IKBKB: variants seen among roughly 807,000 people sequenced by gnomAD.
IKBKB encodes the protein inhibitor of nuclear factor kappa B kinase subunit beta.
In IKBKB, 42 loss-of-function variants were observed where a neutral mutation model predicts 113.6. That is an observed-to-expected ratio of 0.37 (90% CI 0.29 to 0.48). The LOEUF (loss-of-function observed/expected upper bound fraction) is 0.48. IKBKB is among the 20% of genes least tolerant of loss of function. IKBKB has a pLI of 0.99. For missense variants in IKBKB, 673 were observed against 939.7 expected, an observed-to-expected ratio of 0.72 and a Z score of 3.71; for synonymous variants, 296 against 361.3, an observed-to-expected ratio of 0.82 and a Z score of 2.05.
At chr8:42,299,399 A>G (rs1016953042) in intron 5 of IKBKB, among the ~76,000 whole-genome samples, 10 of 152,118 alleles carry the variant, frequency 6.6e-5, no homozygotes, top group Admixed American at 6.5e-4. Context: ...CCACTCTTAG[A>G]TAAAGGCCCA....
intron 13 of IKBKB, chr8:42,318,956 C>A (rs1024873463): frequency 3.8e-6 from 2 of 532,006 alleles, no homozygotes; most frequent in Non-Finnish European, 6.7e-6. Flanking sequence ...AGCTCACTAC[C>A]ATGTGGATTA....
intron 12 of IKBKB, 36 bp downstream of exon 12, chr8:42,317,807 C>A (rs200515855): frequency 2.1e-6 from 3 of 1,428,824 alleles, no homozygotes; most frequent in Non-Finnish European, 2.0e-6. Context: ...TCTAAATAAT[C>A]CGTTATAATA....
intron 16 of IKBKB, 186 bp downstream of exon 16, chr8:42,321,030 A>G (rs1819683601): frequency 2.1e-6 from 1 of 486,134 alleles, no homozygotes; most frequent in African/African-American, 2.0e-5. Flanking sequence ...GTGACAAGAA[A>G]AACAGTCTTA....
Position 42,316,812 on chromosome 8 carries a change from G to A in IKBKB, c.1033G>A (p.Gly345Ser). Residue 345 changes from glycine (G) to serine (S), a missense_variant, in exon 11 of 22, where the codon GGC becomes AGC. By Grantham distance (56) the Gly-to-Ser change is moderately conservative (BLOSUM62 0). Transcript: ENST00000520810. This position sits in a 1 kb window ranked among gnomAD's most constrained non-coding sequence, Gnocchi z 4.5. Reference protein sequence around the residue: ...SLKARIQQDTGIPEEDQELLQ... With the variant: ...SLKARIQQDTSIPEEDQELLQ... ...GAAGGCCAGAATCCAACAGGACACG[G>A]GCATCCCAGAGGAGGACCAGGAGCT... The A allele has an allele frequency of 6.2e-7, 1 of 1,614,168 alleles. No individual in the cohort carries two copies. The highest frequency in any genetic ancestry group is 8.5e-7 in the Non-Finnish European group (1 of 1,180,028).
At chr8:42,284,498 C>T (rs1010621543) in intron 2 of IKBKB, among the ~76,000 whole-genome samples, 1 of 151,350 alleles carries the variant, frequency 6.6e-6, no homozygotes, top group Non-Finnish European at 1.5e-5. Context: ...AGGAGAATGG[C>T]GTGAACCCGG....
At position 42,322,418 on chromosome 8, in the gene IKBKB, A is replaced by G. The variant is rs1261457287; in HGVS notation, c.1910A>G (p.Asn637Ser). ...PKVEEVVSLM[N>S]EDEKTVVRLQ... is the part of the protein sequence containing the mutation. ...GTGGAAGAGGTGGTGAGCTTAATGA[A>G]TGAGGATGAGAAGACTGTTGTCCGG... Residue 637 changes from asparagine (N) to serine (S), a missense_variant, in exon 19 of 22, where the codon AAT (asparagine) becomes AGT (serine). Physicochemically the swap from Asn to Ser is conservative, Grantham distance 46. Coordinates refer to ENST00000520810, the MANE Select transcript of IKBKB (RefSeq NM_001556.3). The G allele has an allele frequency of 6.2e-7, 1 of 1,613,948 alleles. No individual in the cohort carries two copies. The highest frequency in any genetic ancestry group is 1.1e-5 in the South Asian group (1 of 91,070).
chr8:42,307,987 C>A (rs955759988), intron 7 of IKBKB, among the ~76,000 whole-genome samples: 1 of 152,238 alleles, frequency 6.6e-6, no homozygotes, highest in Admixed American at 6.5e-5. Flanking sequence ...CCCCCAGCAC[C>A]CCGTGCTGCC....
chr8:42,283,871 TAC>T (rs1411482861), intron 2 of IKBKB, among the ~76,000 whole-genome samples: 1 of 152,214 alleles, frequency 6.6e-6, no homozygotes, highest in Non-Finnish European at 1.5e-5. Context: ...AACCATAAGT[TAC>T]AGTCTCTTTG....
intron 5 of IKBKB, among the ~76,000 whole-genome samples, chr8:42,304,692 C>G (rs1415745896): frequency 3.9e-5 from 6 of 152,198 alleles, no homozygotes; most frequent in Admixed American, 3.9e-4. Flanking sequence ...ATCATATGAC[C>G]ATAGGACTCT....
At chr8:42,301,748 C>T (rs796727918) in intron 5 of IKBKB, among the ~76,000 whole-genome samples, 15 of 152,354 alleles carry the variant, frequency 9.8e-5, no homozygotes, top group African/African-American at 3.6e-4. Context: ...CTTGTCCCTC[C>T]TCACTGAAGA....
intron 2 of IKBKB, among the ~76,000 whole-genome samples, chr8:42,283,877 C>G (rs1421151255): frequency 6.6e-6 from 1 of 152,200 alleles, no homozygotes; most frequent in East Asian, 1.9e-4. Flanking sequence ...AAGTTACAGT[C>G]TCTTTGGCTA....
At chr8:42,286,818 A>G (rs925317868) in intron 2 of IKBKB, among the ~76,000 whole-genome samples, 1 of 152,230 alleles carries the variant, frequency 6.6e-6, no homozygotes, top group Admixed American at 6.5e-5. Context: ...ACATCCTTCA[A>G]GTGAGCCACA....
rs756896366 is a variant in IKBKB, at chr8:42,322,435, G to T, written c.1927G>T (p.Val643Phe). The change falls in exon 19 of 22, where the codon GTT becomes TTT. Residue 643 changes from valine to phenylalanine, a missense_variant. Around this residue, in one of 2 missense-constraint regions of IKBKB, gnomAD observed 506 missense variants for 638.7 expected, o/e 0.79. Coordinates refer to ENST00000520810, the MANE Select transcript of IKBKB (RefSeq NM_001556.3). ...VSLMNEDEKT[V>F]VRLQEKRQKE... is the part of the protein sequence containing the mutation. ...CTTAATGAATGAGGATGAGAAGACTGTTGTCCGGCTGCAGGAGAAGCGGCA... is the reference window on the plus strand; with the variant it reads ...CTTAATGAATGAGGATGAGAAGACTTTTGTCCGGCTGCAGGAGAAGCGGCA... 2.5e-6 allele frequency: 4 copies of T among 1,614,064 alleles called. No homozygotes were observed. Among genetic ancestry groups the T allele is most frequent in the Non-Finnish European group, 3.4e-6 (4 of 1,180,028 alleles).
In IKBKB at chr8:42,292,583, GATGTTAAAAGTCTAC is replaced by G. The variant is rs1206001458; in HGVS notation, c.319-856_319-842del. On this transcript the variant is annotated intron_variant, in intron 4 of 21. Coordinates refer to ENST00000520810, the MANE Select transcript of IKBKB (RefSeq NM_001556.3). ...CAGCACATGGGGACATGTAAGAGTC[GATGTTAAAAGTCTAC>G]ATGCTGGGTACGTAAACAGATGAGT... Among the ~76,000 whole-genome samples the G allele has an allele frequency of 3.3e-5, 5 of 152,184 alleles. No individual in the cohort carries two copies. The East Asian group carries it at 7.7e-4, about 23-fold the overall frequency.
chr8:42,291,403 A>G (rs1812617323), intron 4 of IKBKB, among the ~76,000 whole-genome samples: 1 of 152,148 alleles, frequency 6.6e-6, no homozygotes, highest in Non-Finnish European at 1.5e-5. Flanking sequence ...GCTGGTCTCC[A>G]ACTCCTGACT....
intron 15 of IKBKB, 131 bp downstream of exon 15, chr8:42,319,777 T>TTTC: frequency 1.3e-6 from 1 of 779,594 alleles, no homozygotes. Context: ...GCTTTGAGCT[T>TTTC]AACTGGACCA....
intron 2 of IKBKB, among the ~76,000 whole-genome samples, chr8:42,272,961 A>G (rs1174881244): frequency 6.7e-6 from 1 of 150,146 alleles, no homozygotes; most frequent in African/African-American, 2.5e-5. Context: ...AAAAAAAAAA[A>G]CCTTAGGCAG....
intron 11 of IKBKB, 161 bp downstream of exon 11, chr8:42,317,065 G>A (rs1182714514): frequency 1.4e-6 from 1 of 722,668 alleles, no homozygotes; most frequent in African/African-American, 1.7e-5. Context: ...TGTCCTCTGT[G>A]TGGCCTGATA....
In IKBKB at chr8:42,305,115, T is replaced by C. The variant is rs1816240016; in HGVS notation, c.389-72T>C. The C allele has an allele frequency of 4.0e-6, 4 of 989,140 alleles. No homozygotes were observed. In the Admixed American group the frequency reaches 5.3e-5, roughly 13 times the overall value. The allele number at this position is 989,140 out of a possible 1,614,324, so 61.3% of individuals were successfully genotyped here. On this transcript the variant is annotated intron_variant, in intron 5 of 21. Coordinates refer to ENST00000520810, the MANE Select transcript of IKBKB (RefSeq NM_001556.3). The stretch of plus-strand genomic sequence containing the variant: ...TTCAGGGGCATGCGGCATTTATCTT[T>C]TGCAGGATAGGAGATTCTGTCATGA...
Sources: gnomAD v4.1 joint callset for allele counts (sites outside exome capture counted in the v4.1 genomes callset) on GRCh38, gnomAD v4.1.1 for gene constraint, gnomAD v4.1.1 regional missense constraint, Gnocchi (gnomAD v3.1) non-coding constraint, MANE v1.5 for transcripts, NCBI Gene and HGNC (gene_info 2026-07-23, HGNC 2026-07-21) for gene names.